Variants in LMO7 observed in about 807,000 individuals in gnomAD.
LMO7 encodes the protein LIM domain only protein 7.
In LMO7, 120 loss-of-function variants were observed where a neutral mutation model predicts 206.5. The ratio of observed to expected loss-of-function variants is 0.58; its 90% confidence interval spans 0.50 to 0.68. The LOEUF is 0.68. Among genes scored for constraint, LMO7 ranks in the 30% least tolerant of loss-of-function variants. The pLI is 0.00. For missense variants in LMO7, 1,959 were observed against 1,957.9 expected (o/e 1.00, Z -0.01); for synonymous variants, 706 against 681.5 (o/e 1.04, Z -0.56).
rs183154711 is a variant in LMO7, at chr13:75,652,193, T to C, written c.69+15467T>C. On this transcript the variant is annotated intron_variant, in intron 1 of 30. Transcript: ENST00000377534. ...TCTTCCAAGTTCCTTTAATTTTCCC[T>C]TTTGGCTTCGGTCTCTTTTAAGTTG... Among the ~76,000 whole-genome samples the C allele has an allele frequency of 8.7e-4, 132 of 152,250 alleles. 1 individual carries two copies. Among genetic ancestry groups the C allele is most frequent in the African/African-American group, 3.0e-3 (124 of 41,570 alleles).
intron 29 of LMO7, among the ~76,000 whole-genome samples, chr13:75,856,159 C>G (rs935999027): frequency 3.9e-5 from 6 of 152,318 alleles, no homozygotes; most frequent in Admixed American, 1.3e-4. Flanking sequence ...AGGGCCCAGC[C>G]TTCATTCACT....
At chr13:75,670,997 T>G (rs1344887505) in intron 1 of LMO7, among the ~76,000 whole-genome samples, 1 of 151,068 alleles carries the variant, frequency 6.6e-6, no homozygotes, top group Non-Finnish European at 1.5e-5. Flanking sequence ...ATTTAAACTT[T>G]CTTGTTAAAA....
intron 9 of LMO7, 62 bp downstream of exon 9, chr13:75,805,822 A>G (rs1328447052): frequency 9.5e-6 from 14 of 1,478,746 alleles, no homozygotes; most frequent in Non-Finnish European, 1.2e-5. Context: ...CTGGGGTTCT[A>G]TGTGCATGTT....
upstream of LMO7, among the ~76,000 whole-genome samples, chr13:75,633,718 C>T (rs2035313211): frequency 6.6e-6 from 1 of 151,774 alleles, no homozygotes; most frequent in African/African-American, 2.4e-5. Flanking sequence ...AGTAAGTCAG[C>T]TGTAAAAGAC....
intron 2 of LMO7, among the ~76,000 whole-genome samples, chr13:75,714,726 A>G (rs964241867): frequency 6.6e-6 from 1 of 152,200 alleles, no homozygotes. Context: ...AGTAGACCAC[A>G]TAGCCCAACT....
At chr13:75,740,795 C>T (rs1429706324) in intron 3 of LMO7, among the ~76,000 whole-genome samples, 2 of 152,164 alleles carry the variant, frequency 1.3e-5, no homozygotes, top group African/African-American at 4.8e-5. Context: ...GCCTCTGCAA[C>T]TTAAGGAGGG....
intron 14 of LMO7, among the ~76,000 whole-genome samples, chr13:75,822,414 G>T (rs1415709938): frequency 2.6e-5 from 4 of 152,016 alleles, no homozygotes; most frequent in African/African-American, 9.7e-5. Context: ...CCTTAATGTA[G>T]TCAAAAGACA....
chr13:75,647,763 A>C (rs2139091944), intron 1 of LMO7, among the ~76,000 whole-genome samples: 1 of 152,242 alleles, frequency 6.6e-6, no homozygotes, highest in South Asian at 2.1e-4. Context: ...TAAACATCAG[A>C]GGCCCATCTC....
chr13:75,703,703 C>T (rs2042441977), intron 1 of LMO7, among the ~76,000 whole-genome samples: 1 of 148,554 alleles, frequency 6.7e-6, no homozygotes, highest in Non-Finnish European at 1.5e-5. Context: ...GCTTCTCTGA[C>T]TTCAGGTTCT....
chr13:75,671,719 A>G (rs959592005), intron 1 of LMO7, among the ~76,000 whole-genome samples: 8 of 152,166 alleles, frequency 5.3e-5, no homozygotes, highest in Admixed American at 3.9e-4. Context: ...AAAAAAATGA[A>G]TCCATAGTTG....
At chr13:75,709,718 A>T (rs2042935483) in intron 1 of LMO7, among the ~76,000 whole-genome samples, 1 of 152,040 alleles carries the variant, frequency 6.6e-6, no homozygotes, top group Non-Finnish European at 1.5e-5. Context: ...CAGATGAGTA[A>T]GTTGCAAAAT....
Position 75,836,443 on chromosome 13 carries a change from C to T in LMO7, c.3380C>T (p.Ala1127Val). ...EINGIHDESN[A>V]FESKASESIS... is the part of the protein sequence containing the mutation. Reference sequence around the variant, plus strand: ...AATGGAATTCATGATGAAAGCAATGCTTTTGAATCAAAAGGTAAATATCAC... The same window carrying T: ...AATGGAATTCATGATGAAAGCAATGTTTTTGAATCAAAAGGTAAATATCAC... The change falls in exon 19 of 31, where the codon GCT (alanine) becomes GTT (valine). Residue 1127 changes from alanine (A) to valine (V), a missense_variant. Ala to Val is a moderately conservative substitution (Grantham distance 64). Coordinates refer to ENST00000377534, the MANE Select transcript of LMO7 (RefSeq NM_001306080.2). 1 of 1,514,056 alleles carries T rather than the reference C, an allele frequency of 6.6e-7. No homozygotes were observed. Among genetic ancestry groups the T allele is most frequent in the Non-Finnish European group, 9.0e-7 (1 of 1,107,156 alleles). The allele number at this position is 1,514,056 out of a possible 1,614,324, so 93.8% of individuals were successfully genotyped here.
At chr13:75,680,980 G>C (rs1409166161) in intron 1 of LMO7, among the ~76,000 whole-genome samples, 1 of 151,390 alleles carries the variant, frequency 6.6e-6, no homozygotes, top group Non-Finnish European at 1.5e-5. Context: ...AGAAGTGTCT[G>C]TTCATGTCCT....
Position 75,800,863 on chromosome 13 carries a change from G to A in LMO7, c.642G>A (p.Thr214=), listed in dbSNP as rs1266870626. 1.1e-5 allele frequency: 18 copies of A among 1,613,766 alleles called. No homozygotes were observed. The Middle Eastern group carries it at 6.6e-4, about 59-fold the overall frequency. The change falls in exon 7 of 31, where the codon ACG becomes ACA. Residue 214 remains threonine (T), a synonymous_variant. Coordinates refer to ENST00000377534, the MANE Select transcript of LMO7 (RefSeq NM_001306080.2). The part of the protein sequence containing the change: ...RSLTSCSSDI[T]LRGGREGFES... Reference sequence around the variant, plus strand: ...TGACAAGCTGCTCCTCTGATATCACGTTGAGAGGGGGGCGTGAAGGTGTGT... The same window carrying A: ...TGACAAGCTGCTCCTCTGATATCACATTGAGAGGGGGGCGTGAAGGTGTGT...
At chr13:75,732,719 A>G (rs1332140510) in intron 3 of LMO7, among the ~76,000 whole-genome samples, 1 of 151,832 alleles carries the variant, frequency 6.6e-6, no homozygotes, top group Non-Finnish European at 1.5e-5. Flanking sequence ...TAGAGTTTCC[A>G]GTTTTTCTGC....
chr13:75,845,891 A>T (rs953329522), intron 26 of LMO7, among the ~76,000 whole-genome samples: 1 of 152,184 alleles, frequency 6.6e-6, no homozygotes, highest in African/African-American at 2.4e-5. Context: ...ATGAAAAAAA[A>T]CCCTAAGCGG....
At chr13:75,690,989 A>G (rs2041424792) in intron 1 of LMO7, among the ~76,000 whole-genome samples, 1 of 152,134 alleles carries the variant, frequency 6.6e-6, no homozygotes, top group South Asian at 2.1e-4. Flanking sequence ...TAAAATTTTT[A>G]TACATATTTA....
chr13:75,635,217 A>G (rs1170353717), upstream of LMO7, among the ~76,000 whole-genome samples: 3 of 152,130 alleles, frequency 2.0e-5, no homozygotes, highest in South Asian at 6.2e-4. Context: ...CAACCAGAAA[A>G]ATAAGAACAA....
At chr13:75,707,517 A>G (rs1570553) in intron 1 of LMO7, among the ~76,000 whole-genome samples, 11,774 of 152,108 alleles carry the variant, frequency 0.077, 1,008 homozygotes, top group African/African-American at 0.21. Flanking sequence ...ACAGAACGCC[A>G]TGAAACAATT....
Sources: allele counts gnomAD v4.1 joint callset (sites outside exome capture counted in the v4.1 genomes callset), GRCh38; gene constraint gnomAD v4.1.1; transcripts MANE v1.5; gene names NCBI Gene and HGNC (gene_info 2026-07-23, HGNC 2026-07-21).